KALRN: variants seen among roughly 807,000 people sequenced by gnomAD.
KALRN encodes the protein kalirin RhoGEF kinase, also known as kalirin.
A neutral mutation model predicts 353.7 loss-of-function variants in KALRN; 70 were observed. The observed-to-expected ratio is 0.20, with a 90% CI of 0.16 to 0.24. KALRN has a LOEUF of 0.24. KALRN is among the 10% of genes least tolerant of loss of function. KALRN has a pLI of 1.00. For missense variants in KALRN, 2,791 were observed against 3,756.7 expected (o/e 0.74, Z 6.72); for synonymous variants, 1,391 against 1,434.8 (o/e 0.97, Z 0.69).
intron 34 of KALRN, among the ~76,000 whole-genome samples, chr3:124,619,846 C>T (rs1035526530): frequency 1.3e-5 from 2 of 151,718 alleles, no homozygotes; most frequent in African/African-American, 4.8e-5. Context: ...ATAGCTGTAT[C>T]AATCTACACT....
At chr3:124,440,105 A>G (rs553605129) in intron 18 of KALRN, among the ~76,000 whole-genome samples, 26 of 152,056 alleles carry the variant, frequency 1.7e-4, no homozygotes, top group Non-Finnish European at 2.8e-4. Context: ...ATCCGCACCT[A>G]TATGGGTCAG....
At chr3:124,175,292 C>CTGCCTAGGGCAG (rs893916391) in intron 1 of KALRN, among the ~76,000 whole-genome samples, 29 of 152,264 alleles carry the variant, frequency 1.9e-4, no homozygotes, top group African/African-American at 5.1e-4. Flanking sequence ...GCTGTGTGCA[C>CTGCCTAGGGCAG]TGCCTAGGGC....
intron 23 of KALRN, among the ~76,000 whole-genome samples, 187 bp downstream of exon 23, chr3:124,456,915 C>T (rs1447006157): frequency 6.6e-6 from 1 of 152,222 alleles, no homozygotes; most frequent in African/African-American, 2.4e-5. Context: ...CCAGTCTGTC[C>T]TTCACCTGAA....
chr3:124,591,822 T>C (rs188458736), intron 34 of KALRN, among the ~76,000 whole-genome samples: 9 of 152,360 alleles, frequency 5.9e-5, no homozygotes, highest in African/African-American at 1.9e-4. Flanking sequence ...TTAATGGCCC[T>C]GGCTCAAACC....
intron 3 of KALRN, among the ~76,000 whole-genome samples, chr3:124,240,396 C>A (rs565301743): frequency 3.9e-5 from 6 of 152,276 alleles, no homozygotes; most frequent in African/African-American, 1.4e-4. Flanking sequence ...AGGCTGTGGG[C>A]AGAGAACAGA....
chr3:124,538,248 G>C (rs1231981981), intron 33 of KALRN, among the ~76,000 whole-genome samples: 1 of 130,248 alleles, frequency 7.7e-6, no homozygotes, highest in Non-Finnish European at 1.6e-5. Flanking sequence ...GAGTGTTTGT[G>C]TGTGTGTGTG....
intron 33 of KALRN, among the ~76,000 whole-genome samples, chr3:124,510,578 C>T (rs1246921362): frequency 1.3e-5 from 2 of 151,862 alleles, no homozygotes; most frequent in African/African-American, 2.4e-5. Flanking sequence ...CACCTTGATG[C>T]GTCATTGTCC....
intron 34 of KALRN, among the ~76,000 whole-genome samples, chr3:124,582,170 A>C (rs2074693599): frequency 2.0e-5 from 3 of 152,046 alleles, no homozygotes; most frequent in Admixed American, 2.0e-4. Flanking sequence ...ACAGACATGC[A>C]TCACCATGCC....
intron 34 of KALRN, among the ~76,000 whole-genome samples, chr3:124,601,519 G>A (rs1371636342): frequency 3.3e-5 from 5 of 152,194 alleles, no homozygotes; most frequent in Admixed American, 2.0e-4. Context: ...GCTGATTCAC[G>A]ATGACAATTG....
At chr3:124,188,766 T>A (rs1665924808) in intron 1 of KALRN, among the ~76,000 whole-genome samples, 1 of 152,158 alleles carries the variant, frequency 6.6e-6, no homozygotes, top group Non-Finnish European at 1.5e-5. Context: ...TGGCAGAAGT[T>A]ATGAGACTCC....
chr3:124,664,366 TGTGTGCGC>T lies in KALRN; in HGVS notation c.6346-2081_6346-2074del, dbSNP rs1287832405. Among the ~76,000 whole-genome samples the T allele has an allele frequency of 3.5e-3, 447 of 126,930 alleles. 4 individuals carry two copies. Among genetic ancestry groups the T allele is most frequent in the African/African-American group, 0.015 (430 of 28,344 alleles). 83.3% of individuals were successfully genotyped at this position (126,930 alleles called of 152,430 possible). A position where few individuals can be genotyped will look rare whatever the true frequency, so the allele number is the denominator to read the frequency against. Reference sequence around the variant, plus strand: ...GTGTGTGTGTGTGTGTGTGTGTGTGTGTGTGCGCGCGCGCGCATATAAGGGCACCCACA... The same window carrying T: ...GTGTGTGTGTGTGTGTGTGTGTGTGTGCGCGCGCATATAAGGGCACCCACA... On this transcript the variant is annotated intron_variant, in intron 45 of 59. Transcript: ENST00000682506.
intron 46 of KALRN, 67 bp from the exon 47 acceptor site, chr3:124,666,945 G>T (rs1263366552): frequency 4.8e-6 from 7 of 1,470,988 alleles, no homozygotes; most frequent in Admixed American, 2.0e-5. Flanking sequence ...CTTTGAGGAA[G>T]AGTAATATGT....
At chr3:124,319,925 T>C (rs184835158) in intron 6 of KALRN, among the ~76,000 whole-genome samples, 1 of 151,866 alleles carries the variant, frequency 6.6e-6, no homozygotes, top group African/African-American at 2.4e-5. Context: ...ACCCAGGAGG[T>C]GGAGGTTGCA....
intron 10 of KALRN, among the ~76,000 whole-genome samples, chr3:124,356,055 C>G (rs1394739520): frequency 6.6e-6 from 1 of 152,046 alleles, no homozygotes; most frequent in African/African-American, 2.4e-5. Context: ...TACAAGCCAC[C>G]AAGAACAGCT....
chr3:124,613,037 T>C (rs1195505452), intron 34 of KALRN, among the ~76,000 whole-genome samples: 1 of 152,220 alleles, frequency 6.6e-6, no homozygotes, highest in Non-Finnish European at 1.5e-5. Context: ...CCTGTAGTAC[T>C]GGTGACATTC....
intron 34 of KALRN, among the ~76,000 whole-genome samples, chr3:124,592,849 C>T (rs2075937421): frequency 1.3e-5 from 2 of 152,242 alleles, no homozygotes; most frequent in South Asian, 2.1e-4. Flanking sequence ...AGCCAGGAGG[C>T]TGCCAGGCAG....
At chr3:124,545,563 G>A (rs1425145388) in intron 33 of KALRN, among the ~76,000 whole-genome samples, 1 of 152,148 alleles carries the variant, frequency 6.6e-6, no homozygotes, top group Admixed American at 6.5e-5. Flanking sequence ...AGAGCCCAGG[G>A]GTGAGGGACC....
Position 124,468,700 on chromosome 3 carries a change from A to C in KALRN, c.4032-5963A>C, listed in dbSNP as rs1339453696. On this transcript the variant is annotated intron_variant, in intron 25 of 59. Coordinates refer to ENST00000682506, the MANE Select transcript of KALRN (RefSeq NM_001388419.1). The stretch of plus-strand genomic sequence containing the variant: ...TTACAAAGGTTTATGATCTGCCCAA[A>C]CCAAAATTAGTGACACAGCCAAAGA... Among the ~76,000 whole-genome samples the C allele has an allele frequency of 2.0e-5, 3 of 152,224 alleles. No individual in the cohort carries two copies. The East Asian group carries it at 5.8e-4, about 29-fold the overall frequency.
chr3:124,670,770 CTT>C (rs2086318454), intron 47 of KALRN, among the ~76,000 whole-genome samples: 1 of 152,232 alleles, frequency 6.6e-6, no homozygotes, highest in African/African-American at 2.4e-5. Flanking sequence ...GGCTCTCCCT[CTT>C]TAGTTCTCAG....
Sources: allele counts gnomAD v4.1 joint callset (sites outside exome capture counted in the v4.1 genomes callset), GRCh38; gene constraint gnomAD v4.1.1; transcripts MANE v1.5; gene names NCBI Gene and HGNC (gene_info 2026-07-23, HGNC 2026-07-21).